Variants in VGLL4 observed in about 807,000 individuals in gnomAD.
VGLL4 encodes the protein transcription cofactor vestigial-like protein 4.
Under a neutral mutation model 21.0 loss-of-function variants are expected in VGLL4, and 7 were observed. The ratio of observed to expected loss-of-function variants is 0.33; its 90% CI spans 0.19 to 0.63. VGLL4 has a LOEUF of 0.63. Among genes scored for constraint, VGLL4 ranks in the 20% least tolerant of loss-of-function variants. The probability of loss-of-function intolerance (pLI) is 0.78; values close to 1 mark genes in which losing one functional copy is unlikely to be tolerated. For synonymous variants in VGLL4, 222 were observed against 173.2 expected, an observed-to-expected ratio of 1.28 and a Z score of -2.21; for missense variants, 394 against 425.7, an observed-to-expected ratio of 0.93 and a Z score of 0.66.
chr3:11,673,297 G>C (rs1298483451), intron 2 of VGLL4, among the ~76,000 whole-genome samples: 1 of 151,738 alleles, frequency 6.6e-6, no homozygotes, highest in Non-Finnish European at 1.5e-5. Context: ...CATAAAACAG[G>C]GTGTGATTTT....
At chr3:11,708,190 T>C (rs916688116) in intron 1 of VGLL4, among the ~76,000 whole-genome samples, 2 of 152,210 alleles carry the variant, frequency 1.3e-5, no homozygotes, top group Non-Finnish European at 2.9e-5. Context: ...GAATGGGCCT[T>C]ATAGGTATTG....
At chr3:11,644,004 T>G (rs1423260002), upstream of VGLL4, 2 of 989,242 alleles carry the variant, frequency 2.0e-6, no homozygotes, top group African/African-American at 1.7e-5. Context: ...AGGGAGGGCT[T>G]CTGCACAGGA....
intron 1 of VGLL4, among the ~76,000 whole-genome samples, chr3:11,638,787 C>G (rs1051967786): frequency 1.3e-5 from 2 of 152,104 alleles, no homozygotes; most frequent in South Asian, 4.1e-4. Flanking sequence ...GCTCATTAGA[C>G]AAAGAACAAT....
chr3:11,714,907 G>C (rs947968434), intron 1 of VGLL4, among the ~76,000 whole-genome samples: 1 of 152,112 alleles, frequency 6.6e-6, no homozygotes, highest in Non-Finnish European at 1.5e-5. Flanking sequence ...AGGCTGAGGC[G>C]GGCGGATCAC....
Position 11,564,974 on chromosome 3 carries a change from C to T in VGLL4, c.318G>A (p.Arg106=), listed in dbSNP as rs969906422. The T allele has an allele frequency of 1.9e-6, 3 of 1,538,874 alleles. No individual in the cohort carries two copies. Among genetic ancestry groups the T allele is most frequent in the Non-Finnish European group, 2.6e-6 (3 of 1,143,230 alleles). ...NGDCRRDPRE[R]SRSPIERAVA... is the part of the protein sequence containing the mutation. ...CAGCGCGCTCGATGGGGCTGCGGCT[C>T]CGCTCCCGGGGGTCTCTGCGGCAGT... The change falls in exon 3 of 5, where the codon CGG becomes CGA. Residue 106 remains arginine, a synonymous_variant. Coordinates refer to ENST00000430365, the MANE Select transcript of VGLL4 (RefSeq NM_001128219.3).
At chr3:11,655,801 C>T (rs1005416326) in intron 2 of VGLL4, among the ~76,000 whole-genome samples, 2 of 152,250 alleles carry the variant, frequency 1.3e-5, no homozygotes, top group South Asian at 2.1e-4. Context: ...CCTCAGAGGA[C>T]GCAGGCAGGT....
At chr3:11,684,966 G>A (rs1306758679) in intron 2 of VGLL4, among the ~76,000 whole-genome samples, 5 of 151,942 alleles carry the variant, frequency 3.3e-5, no homozygotes, top group Admixed American at 3.3e-4. Context: ...TATTTTTTCT[G>A]ATCCTCTCCC....
chr3:11,620,932 G>T (rs2075255620), intron 1 of VGLL4, among the ~76,000 whole-genome samples: 1 of 152,180 alleles, frequency 6.6e-6, no homozygotes, highest in South Asian at 2.1e-4. Flanking sequence ...CTCAAGAAGG[G>T]CCCTGGGTGG....
In VGLL4 at chr3:11,568,360, C is replaced by G. The variant is rs2073629101; in HGVS notation, c.273-3341G>C. ...AAGGGGTGCCAGGGCCGCCAGCTGCCAGGGCAGAGGTAAGGACGGGGCAGC... is the reference window on the plus strand; with the variant it reads ...AAGGGGTGCCAGGGCCGCCAGCTGCGAGGGCAGAGGTAAGGACGGGGCAGC... On this transcript the variant is annotated intron_variant, in intron 2 of 4. Transcript: ENST00000430365. This position sits in a 1 kb window ranked among gnomAD's most constrained non-coding sequence, Gnocchi z 5.9. Among the ~76,000 whole-genome samples, 1 of 152,212 alleles carries G rather than the reference C, an allele frequency of 6.6e-6. No homozygotes were observed. The highest frequency in any genetic ancestry group is 2.4e-5 in the African/African-American group (1 of 41,468).
intron 2 of VGLL4, among the ~76,000 whole-genome samples, chr3:11,691,755 T>C (rs2076529846): frequency 6.6e-6 from 1 of 152,136 alleles, no homozygotes; most frequent in Non-Finnish European, 1.5e-5. Flanking sequence ...CTGGGCACAA[T>C]GTCCTCCTAA....
chr3:11,623,275 T>C (rs1399840187), intron 1 of VGLL4, among the ~76,000 whole-genome samples: 1 of 151,932 alleles, frequency 6.6e-6, no homozygotes, highest in Non-Finnish European at 1.5e-5. Flanking sequence ...TTCAGCAGAG[T>C]GAAAATTAGG....
chr3:11,558,860 A>G (rs776470532), intron 4 of VGLL4, 33 bp from the exon 5 acceptor site: 26 of 1,604,556 alleles, frequency 1.6e-5, no homozygotes, highest in East Asian at 2.2e-5. Context: ...GCAGTCAGAC[A>G]CAGGTGGCTG....
intron 2 of VGLL4, chr3:11,702,704 C>A (rs2076699082): frequency 5.6e-6 from 1 of 179,820 alleles, no homozygotes; most frequent in South Asian, 1.4e-4. Flanking sequence ...TTGAAACCAG[C>A]CTGGGCAACA....
intron 2 of VGLL4, among the ~76,000 whole-genome samples, chr3:11,661,582 T>G (rs1367359116): frequency 6.6e-6 from 1 of 152,084 alleles, no homozygotes; most frequent in Non-Finnish European, 1.5e-5. Context: ...GCGATTCTCC[T>G]GCCTCAGCCT....
intron 1 of VGLL4, among the ~76,000 whole-genome samples, chr3:11,605,718 A>G (rs1028799391): frequency 1.3e-5 from 2 of 152,168 alleles, no homozygotes; most frequent in African/African-American, 4.8e-5. Context: ...CATTTAATTC[A>G]TTTAATAAAC....
At chr3:11,614,246 CA>C (rs1476514983) in intron 1 of VGLL4, among the ~76,000 whole-genome samples, 2 of 152,254 alleles carry the variant, frequency 1.3e-5, no homozygotes, top group Non-Finnish European at 2.9e-5. Flanking sequence ...GCCTCAGCCC[CA>C]AGAGCACCCC....
chr3:11,663,205 C>T (rs1022444850), intron 2 of VGLL4, among the ~76,000 whole-genome samples: 1 of 152,112 alleles, frequency 6.6e-6, no homozygotes, highest in African/African-American at 2.4e-5. Flanking sequence ...ATAAGCCAGA[C>T]AGAAATCAGA....
At chr3:11,583,264 G>C (rs1215471159) in intron 2 of VGLL4, among the ~76,000 whole-genome samples, 1 of 152,086 alleles carries the variant, frequency 6.6e-6, no homozygotes, top group Non-Finnish European at 1.5e-5. Flanking sequence ...ATAAACCAGA[G>C]GTTCTAATTA....
At chr3:11,681,709 G>A (rs2076373805) in intron 2 of VGLL4, among the ~76,000 whole-genome samples, 1 of 152,202 alleles carries the variant, frequency 6.6e-6, no homozygotes, top group Non-Finnish European at 1.5e-5. Flanking sequence ...AATGAAGGAA[G>A]GGGCCTACAG....
Sources: gnomAD v4.1 joint callset for allele counts (sites outside exome capture counted in the v4.1 genomes callset) on GRCh38, gnomAD v4.1.1 for gene constraint, Gnocchi (gnomAD v3.1) non-coding constraint, MANE v1.5 for transcripts, NCBI Gene and HGNC (gene_info 2026-07-23, HGNC 2026-07-21) for gene names.